IL1RAPL1: variants seen among roughly 807,000 people sequenced by gnomAD.
The protein encoded by IL1RAPL1 is interleukin 1 receptor accessory protein like 1.
Under a neutral mutation model 48.4 loss-of-function variants are expected in IL1RAPL1, and 3 were observed. The observed-to-expected ratio is 0.06, with a 90% confidence interval of 0.03 to 0.16. IL1RAPL1 has a LOEUF of 0.16. Among genes scored for constraint, IL1RAPL1 ranks in the 10% least tolerant of loss-of-function variants. The pLI is 1.00. For missense variants in IL1RAPL1, 349 were observed against 530.6 expected, an observed-to-expected ratio of 0.66 and a Z score of 3.36; for synonymous variants, 185 against 187.7, an observed-to-expected ratio of 0.99 and a Z score of 0.12.
intron 2 of IL1RAPL1, among the ~76,000 whole-genome samples, chrX:29,086,608 C>G (rs1195326271): frequency 8.9e-6 from 1 of 111,745 alleles, no homozygotes; most frequent in African/African-American, 3.2e-5. Flanking sequence ...TCCTTGATCT[C>G]TAGTCCTATC....
intron 2 of IL1RAPL1, among the ~76,000 whole-genome samples, chrX:28,878,861 G>T (rs1281222216): frequency 9.0e-6 from 1 of 111,464 alleles, no homozygotes; most frequent in Non-Finnish European, 1.9e-5. Context: ...CACTGCACAT[G>T]ATCACTTTAT....
At chrX:28,635,581 G>A (rs749506817) in intron 1 of IL1RAPL1, among the ~76,000 whole-genome samples, 13 of 111,880 alleles carry the variant, frequency 1.2e-4, no homozygotes, top group Non-Finnish European at 2.3e-4. Flanking sequence ...GTAGGCTAAT[G>A]TGTTCTAAGC....
At position 29,956,682 on chromosome X, in the gene IL1RAPL1, T is replaced by G. The variant is rs1372356429; in HGVS notation, c.*862T>G. The G allele has an allele frequency of 1.5e-5, 1 of 66,927 alleles. No homozygotes were observed. Among genetic ancestry groups the G allele is most frequent in the East Asian group, 4.5e-4 (1 of 2,213 alleles). 5.5% of individuals were successfully genotyped at this position (66,927 alleles called of 1,213,427 possible). A position where few individuals can be genotyped will look rare whatever the true frequency, so the allele number is the denominator to read the frequency against. ...ATATATATACATATATATATAAATA[T>G]AAATATATATAAAAACAACAAAACA... On this transcript the variant is annotated 3_prime_UTR_variant, in exon 11 of 11. Transcript: ENST00000378993.
At chrX:29,508,257 C>T (rs748537677) in intron 5 of IL1RAPL1, among the ~76,000 whole-genome samples, 1 of 110,920 alleles carries the variant, frequency 9.0e-6, no homozygotes, top group East Asian at 2.8e-4. Flanking sequence ...TAAGAGTATC[C>T]GACTTTAGGA....
At chrX:29,196,070 G>A (rs1930438828) in intron 2 of IL1RAPL1, among the ~76,000 whole-genome samples, 1 of 112,203 alleles carries the variant, frequency 8.9e-6, no homozygotes, top group Non-Finnish European at 1.9e-5. Flanking sequence ...TCACCATGAT[G>A]ATTTTAAATT....
At chrX:29,216,382 A>C (rs984652728) in intron 2 of IL1RAPL1, among the ~76,000 whole-genome samples, 1 of 110,140 alleles carries the variant, frequency 9.1e-6, no homozygotes, top group South Asian at 3.9e-4. Flanking sequence ...TTTTGTAGAC[A>C]TGGAGTTTTG....
chrX:29,240,183 TACAC>T (rs200193070), intron 2 of IL1RAPL1, among the ~76,000 whole-genome samples: 3 of 44,562 alleles, frequency 6.7e-5, no homozygotes, highest in Non-Finnish European at 9.3e-5. Flanking sequence ...AGTATATAGG[TACAC>T]ACACACACAT....
intron 5 of IL1RAPL1, among the ~76,000 whole-genome samples, chrX:29,446,217 A>C (rs952124368): frequency 8.9e-6 from 1 of 111,823 alleles, no homozygotes; most frequent in African/African-American, 3.2e-5. Context: ...CTTGAAAAAC[A>C]ATAAAGAGCA....
chrX:29,908,092 T>TA (rs1406287339), intron 6 of IL1RAPL1, among the ~76,000 whole-genome samples: 13 of 110,457 alleles, frequency 1.2e-4, no homozygotes, highest in Admixed American at 1.9e-4. Context: ...TCATGTAGTT[T>TA]AAAAAAAACC....
chrX:29,667,725 G>A (rs773112648), intron 5 of IL1RAPL1, among the ~76,000 whole-genome samples: 8 of 112,214 alleles, frequency 7.1e-5, no homozygotes, highest in Non-Finnish European at 1.3e-4. Context: ...TGAAGTTGAC[G>A]AGAGCACAGA....
intron 3 of IL1RAPL1, among the ~76,000 whole-genome samples, chrX:29,295,918 G>A (rs1266680991): frequency 8.9e-6 from 1 of 111,850 alleles, no homozygotes; most frequent in Non-Finnish European, 1.9e-5. Context: ...TGTAGTGATG[G>A]CTTGGGTATG....
At chrX:28,919,124 G>A (rs1601958490) in intron 2 of IL1RAPL1, among the ~76,000 whole-genome samples, 1 of 111,323 alleles carries the variant, frequency 9.0e-6, no homozygotes, top group Admixed American at 9.6e-5. Context: ...ATAACTGCGC[G>A]AGTGATATAC....
At chrX:28,593,229 C>G (rs1933922430) in intron 1 of IL1RAPL1, among the ~76,000 whole-genome samples, 1 of 111,114 alleles carries the variant, frequency 9.0e-6, no homozygotes, top group Non-Finnish European at 1.9e-5. Flanking sequence ...TATTCAGGTG[C>G]CCAAACTCTA....
intron 1 of IL1RAPL1, among the ~76,000 whole-genome samples, chrX:28,628,805 A>G (rs921555966): frequency 1.2e-4 from 13 of 112,287 alleles, no homozygotes; most frequent in African/African-American, 3.9e-4. Context: ...CGTTTCTCTG[A>G]ATTCATAGCT....
chrX:29,325,226 TG>T (rs1932835732), intron 3 of IL1RAPL1, among the ~76,000 whole-genome samples: 1 of 112,432 alleles, frequency 8.9e-6, no homozygotes, highest in African/African-American at 3.2e-5. Context: ...TTATTAATCA[TG>T]TTTTTAACCC....
chrX:29,525,576 T>G, intron 5 of IL1RAPL1, among the ~76,000 whole-genome samples: 1 of 111,759 alleles, frequency 8.9e-6, no homozygotes, highest in Non-Finnish European at 1.9e-5. Context: ...GCAGGTTGAA[T>G]AAGCTTTTTG....
At chrX:29,365,534 A>G (rs1186180635) in intron 3 of IL1RAPL1, among the ~76,000 whole-genome samples, 1 of 105,355 alleles carries the variant, frequency 9.5e-6, no homozygotes, top group Non-Finnish European at 1.9e-5. Flanking sequence ...CGTCTCTACT[A>G]AAAACACAAA....
intron 2 of IL1RAPL1, among the ~76,000 whole-genome samples, chrX:29,019,420 T>A (rs1194638230): frequency 9.0e-6 from 1 of 111,234 alleles, no homozygotes; most frequent in African/African-American, 3.3e-5. Context: ...GAGTTATATC[T>A]CAAGAAAACT....
intron 5 of IL1RAPL1, among the ~76,000 whole-genome samples, chrX:29,406,282 G>T (rs770007844): frequency 9.1e-6 from 1 of 110,117 alleles, no homozygotes; most frequent in Non-Finnish European, 1.9e-5. Context: ...CCAGCTACTC[G>T]GGAGGCTGAG....
Sources: gnomAD v4.1 joint callset for allele counts (sites outside exome capture counted in the v4.1 genomes callset) on GRCh38, gnomAD v4.1.1 for gene constraint, MANE v1.5 for transcripts, NCBI Gene and HGNC (gene_info 2026-07-23, HGNC 2026-07-21) for gene names.